The following AHDC1 variants were observed in gnomAD, a reference collection of about 807,000 sequenced individuals.
AHDC1 encodes AT-hook DNA binding motif containing 1, also known as transcription factor Gibbin.
Under a neutral mutation model 87.9 loss-of-function variants are expected in AHDC1, and 7 were observed. That is an observed-to-expected ratio of 0.08 (90% confidence interval 0.05 to 0.15). The LOEUF is 0.15. AHDC1 is among the 10% of genes least tolerant of loss of function. AHDC1 has a pLI of 1.00. For synonymous variants in AHDC1, 1,051 were observed against 1,006.8 expected (o/e 1.04, Z -0.83); for missense variants, 1,841 against 2,253.2 (o/e 0.82, Z 3.70).
In AHDC1 at chr1:27,547,288, G is replaced by A. The variant is rs776011919; in HGVS notation, c.*16C>T. 34 of 1,517,800 alleles carry A rather than the reference G, an allele frequency of 2.2e-5. No individual in the cohort carries two copies. Among genetic ancestry groups the A allele is most frequent in the African/African-American group, 8.4e-5 (6 of 71,734 alleles). 94.0% of individuals were successfully genotyped at this position (1,517,800 alleles called of 1,614,324 possible). ...AGGAACAAAACCTCGCGGTCCAGTCGGCACTTCAGTTGGCACTACAGGGAT... is the reference window on the plus strand; with the variant it reads ...AGGAACAAAACCTCGCGGTCCAGTCAGCACTTCAGTTGGCACTACAGGGAT... On this transcript the variant is annotated 3_prime_UTR_variant, in exon 8 of 9. Transcript: ENST00000673934. This position sits in a 1 kb window ranked among gnomAD's most constrained non-coding sequence, Gnocchi z 4.9.
Position 27,550,657 on chromosome 1 carries a change from G to T in AHDC1, c.1459C>A (p.Arg487=), listed in dbSNP as rs367582615. 1.1e-5 allele frequency: 18 copies of T among 1,613,214 alleles called. No homozygotes were observed. Among genetic ancestry groups the T allele is most frequent in the East Asian group, 8.9e-5 (4 of 44,882 alleles). ...ACTTTGTATGTGGTCTTGTTCCGCC[G>T]CCCCAGCGATACGGGGATCTTGGCC... ...KMAKIPVSLG[R]RNKTTYKVSS... is the part of the protein sequence containing the mutation. The change falls in exon 8 of 9, where the codon CGG becomes AGG. Residue 487 remains arginine, a synonymous_variant. Coordinates refer to ENST00000673934, the MANE Select transcript of AHDC1 (RefSeq NM_001371928.1).
intron 3 of AHDC1, among the ~76,000 whole-genome samples, chr1:27,596,071 AG>A (rs2089363021): frequency 6.6e-6 from 1 of 151,768 alleles, no homozygotes; most frequent in Non-Finnish European, 1.5e-5. Flanking sequence ...TGTGTGTGTT[AG>A]GGGGGATGCC....
At chr1:27,581,501 C>A (rs2088908843) in intron 3 of AHDC1, among the ~76,000 whole-genome samples, 1 of 151,910 alleles carries the variant, frequency 6.6e-6, no homozygotes, top group Non-Finnish European at 1.5e-5. Flanking sequence ...AAAGAAGGGA[C>A]CCTCAGAAAA....
rs2020156270 is a variant in AHDC1 at position 27,562,909 on chromosome 1, C to T, written c.-628-4026G>A. ...CACACACACAACAGCCAGAGACAGGCGCACAAGTTGGTGACAACCCTCCTA... is the reference window on the plus strand; with the variant it reads ...CACACACACAACAGCCAGAGACAGGTGCACAAGTTGGTGACAACCCTCCTA... On this transcript the variant is annotated intron_variant, in intron 3 of 8. Transcript: ENST00000673934. This position sits in a 1 kb window ranked among gnomAD's most constrained non-coding sequence, Gnocchi z 4.4. Among the ~76,000 whole-genome samples the T allele has an allele frequency of 6.6e-6, 1 of 152,128 alleles. No individual in the cohort carries two copies. The highest frequency in any genetic ancestry group is 1.5e-5 in the Non-Finnish European group (1 of 68,002).
intron 3 of AHDC1, among the ~76,000 whole-genome samples, chr1:27,573,458 G>A (rs2088608153): frequency 6.6e-6 from 1 of 152,236 alleles, no homozygotes; most frequent in Non-Finnish European, 1.5e-5. Flanking sequence ...GAGGCAGAGG[G>A]AGGTGGAACC....
intron 8 of AHDC1, among the ~76,000 whole-genome samples, chr1:27,541,628 GT>G (rs1315812535): frequency 0.032 from 3,763 of 117,974 alleles, 132 homozygotes; most frequent in African/African-American, 0.1. Context: ...CCATGTGGAG[GT>G]TTTTTTTTTT....
chr1:27,538,732 C>T (rs1178344946), intron 8 of AHDC1, among the ~76,000 whole-genome samples: 3 of 152,118 alleles, frequency 2.0e-5, no homozygotes, highest in Non-Finnish European at 4.4e-5. Context: ...CCAGGCTAGA[C>T]TCGACCTCCT....
At chr1:27,541,845 G>T (rs1322970693) in intron 8 of AHDC1, among the ~76,000 whole-genome samples, 1 of 152,238 alleles carries the variant, frequency 6.6e-6, no homozygotes, top group African/African-American at 2.4e-5. Context: ...AGCCAGGCTG[G>T]TCTCGAACTC....
chr1:27,558,680 A>G lies in AHDC1; in HGVS notation c.-451+26T>C, dbSNP rs1213793795. 2.5e-6 allele frequency: 1 copy of G among 398,616 alleles called. No homozygotes were observed. The highest frequency in any genetic ancestry group is 4.4e-6 in the Non-Finnish European group (1 of 226,062). The allele number at this position is 398,616 out of a possible 1,614,324, so 24.7% of individuals were successfully genotyped here. A position where few individuals can be genotyped will look rare whatever the true frequency, so the allele number is the denominator to read the frequency against. On this transcript the variant is annotated intron_variant, in intron 4 of 8. Transcript: ENST00000673934. This position sits in a 1 kb window ranked among gnomAD's most constrained non-coding sequence, Gnocchi z 5.6. ...ACTTCCTGGGGGTGGCCCAGGCCCA[A>G]GCCTGACTTCCCTGCACACTGTTAC...
chr1:27,552,023 G>A lies in AHDC1; in HGVS notation c.93C>T (p.Gly31=), dbSNP rs1242828301. Residue 31 remains glycine, a synonymous_variant, in exon 8 of 9, where the codon GGC becomes GGT. Coordinates refer to ENST00000673934, the MANE Select transcript of AHDC1 (RefSeq NM_001371928.1). ...GAAGCAGGGGCCGGGGGGTGGGGGG[G>A]CCGCCGGGGTAGTACTTGGGTTCCC... ...YLREPKYYPG[G]PPTPRPLLPT... 11 of 505,058 alleles carry A rather than the reference G, an allele frequency of 2.2e-5. No individual in the cohort carries two copies. Among genetic ancestry groups the A allele is most frequent in the Admixed American group, 3.5e-5 (1 of 28,862 alleles). 31.3% of individuals were successfully genotyped at this position (505,058 alleles called of 1,614,324 possible). A position where few individuals can be genotyped will look rare whatever the true frequency, so the allele number is the denominator to read the frequency against.
intron 3 of AHDC1, among the ~76,000 whole-genome samples, chr1:27,567,073 C>T (rs1276391850): frequency 6.6e-6 from 1 of 152,126 alleles, no homozygotes; most frequent in African/African-American, 2.4e-5. Context: ...GGAGGGTGCA[C>T]TGCTCTCCAG....
chr1:27,575,818 G>A (rs1165221669), intron 3 of AHDC1, among the ~76,000 whole-genome samples: 7 of 149,166 alleles, frequency 4.7e-5, no homozygotes. Flanking sequence ...GAGGGGAGCG[G>A]CCCGGCCTCG....
chr1:27,564,190 G>C (rs1338034023), intron 3 of AHDC1, among the ~76,000 whole-genome samples: 2 of 152,202 alleles, frequency 1.3e-5, no homozygotes, highest in African/African-American at 2.4e-5. Context: ...AGTGGTGAGG[G>C]AGGCCAAGAG....
At position 27,595,746 on chromosome 1, in the gene AHDC1, G is replaced by C. The variant is rs2089352500; in HGVS notation, c.-629+7651C>G. On this transcript the variant is annotated intron_variant, in intron 3 of 8. Coordinates refer to ENST00000673934, the MANE Select transcript of AHDC1 (RefSeq NM_001371928.1). This position sits in a 1 kb window ranked among gnomAD's most constrained non-coding sequence, Gnocchi z 4.0. ...CTCTGATATCAGAGATGTGCCACAG[G>C]CTATCGTCCGTGCATGCACAGGTAT... is the stretch of plus-strand genomic sequence containing the variant. Among the ~76,000 whole-genome samples, 2 of 152,018 alleles carry C rather than the reference G, an allele frequency of 1.3e-5. No individual in the cohort carries two copies. Among genetic ancestry groups the C allele is most frequent in the South Asian group, 4.1e-4 (2 of 4,826 alleles).
intron 3 of AHDC1, among the ~76,000 whole-genome samples, chr1:27,586,400 C>G (rs1048991157): frequency 2.6e-5 from 4 of 152,134 alleles, no homozygotes; most frequent in African/African-American, 9.7e-5. Context: ...CTCTCCCCCA[C>G]AGCTAACCCG....
Position 27,550,268 on chromosome 1 carries a change from C to T in AHDC1, c.1848G>A (p.Leu616=), listed in dbSNP as rs775424889. 12 of 1,613,850 alleles carry T rather than the reference C, an allele frequency of 7.4e-6. No individual in the cohort carries two copies. In the Admixed American group the frequency reaches 1.7e-4, roughly 22 times the overall value. Residue 616 remains leucine (L), a synonymous_variant, in exon 8 of 9, where the codon CTG becomes CTA. Transcript: ENST00000673934. ...GGCGGTTCAGGAAGGCCAGCTTGGC[C>T]AGGACGTCTGAGTACTCGGCCTTGC... ...NDSKAEYSDV[L]AKLAFLNRQS... is the part of the protein sequence containing the mutation.
intron 3 of AHDC1, among the ~76,000 whole-genome samples, chr1:27,559,177 G>C (rs894675217): frequency 6.6e-6 from 1 of 151,210 alleles, no homozygotes; most frequent in Non-Finnish European, 1.5e-5. Context: ...TCAGCCTCCC[G>C]AGTAGCTGGG....
chr1:27,535,441 T>C (rs1273638112), intron 8 of AHDC1, among the ~76,000 whole-genome samples: 2 of 152,184 alleles, frequency 1.3e-5, no homozygotes, highest in African/African-American at 4.8e-5. Flanking sequence ...CTGGGGCAGT[T>C]AGGCTCTCCA....
rs1264889530 is a variant in AHDC1, at chr1:27,598,243, C to T, written c.-629+5154G>A. Among the ~76,000 whole-genome samples, 1 of 152,206 alleles carries T rather than the reference C, an allele frequency of 6.6e-6. No individual in the cohort carries two copies. Among genetic ancestry groups the T allele is most frequent in the African/African-American group, 2.4e-5 (1 of 41,442 alleles). ...CTCCCCTGGGCTCCCAGGCCAAGGA[C>T]CCCAGAGCAGAAGAGGAGAGAAAAC... On this transcript the variant is annotated intron_variant, in intron 3 of 8. Transcript: ENST00000673934. This position sits in a 1 kb window ranked among gnomAD's most constrained non-coding sequence, Gnocchi z 4.2.
Sources: gnomAD v4.1 joint callset for allele counts (sites outside exome capture counted in the v4.1 genomes callset) on GRCh38, gnomAD v4.1.1 for gene constraint, Gnocchi (gnomAD v3.1) non-coding constraint, MANE v1.5 for transcripts, NCBI Gene and HGNC (gene_info 2026-07-23, HGNC 2026-07-21) for gene names.